Variants in KLF12 observed in about 807,000 individuals in gnomAD.
KLF12 encodes the protein Krueppel-like factor 12.
In KLF12, 9 loss-of-function variants were observed where a neutral mutation model predicts 37.8. That is an observed-to-expected ratio of 0.24 (90% CI 0.14 to 0.42). The LOEUF (loss-of-function observed/expected upper bound fraction) is 0.42. Among genes scored for constraint, KLF12 ranks in the 10% least tolerant of loss-of-function variants. KLF12 has a pLI of 1.00. For synonymous variants in KLF12, 208 were observed against 202.1 expected, an observed-to-expected ratio of 1.03 and a Z score of -0.25; for missense variants, 411 against 516.0, an observed-to-expected ratio of 0.80 and a Z score of 1.97.
intron 1 of KLF12, among the ~76,000 whole-genome samples, chr13:74,042,712 G>A (rs1893440362): frequency 1.3e-5 from 2 of 152,112 alleles, no homozygotes; most frequent in Admixed American, 1.3e-4. Flanking sequence ...AATTCAGCAG[G>A]TCTTCATAAA....
At chr13:73,774,283 TAC>T (rs71704208) in intron 5 of KLF12, among the ~76,000 whole-genome samples, 62,634 of 145,126 alleles carry the variant, frequency 0.43, 14,794 homozygotes, top group African/African-American at 0.66. Flanking sequence ...TATATATATA[TAC>T]ACACACACAC....
In KLF12 at chr13:73,845,854, A is replaced by G; in HGVS notation, c.643T>C (p.Leu215=). The G allele has an allele frequency of 6.2e-7, 1 of 1,613,954 alleles. No individual in the cohort carries two copies. Among genetic ancestry groups the G allele is most frequent in the Non-Finnish European group, 8.5e-7 (1 of 1,179,866 alleles). The change falls in exon 4 of 8, where the codon TTG becomes CTG. Residue 215 remains leucine (L), a synonymous_variant. Transcript: ENST00000377669. ...TTGCCATGGCCTCTCCCATCCTCCAAAAGCGGCACGACAATAGTGTTGTTC... is the reference window on the plus strand; with the variant it reads ...TTGCCATGGCCTCTCCCATCCTCCAGAAGCGGCACGACAATAGTGTTGTTC...
At chr13:73,805,697 G>T (rs1240107359) in intron 5 of KLF12, among the ~76,000 whole-genome samples, 1 of 142,156 alleles carries the variant, frequency 7.0e-6, no homozygotes, top group Non-Finnish European at 1.5e-5. Flanking sequence ...AGGAAGGAAG[G>T]AAGGAAGGAA....
intron 5 of KLF12, among the ~76,000 whole-genome samples, chr13:73,796,768 G>T (rs1881999041): frequency 6.6e-6 from 1 of 152,106 alleles, no homozygotes; most frequent in African/African-American, 2.4e-5. Flanking sequence ...TGCACACACA[G>T]ACCTTCATCT....
intron 3 of KLF12, among the ~76,000 whole-genome samples, chr13:73,896,782 A>T (rs17061659): frequency 0.018 from 2,737 of 152,274 alleles, 99 homozygotes; most frequent in Admixed American, 0.088. Context: ...CCTAAATGAT[A>T]GACTCACTTT....
chr13:74,122,515 T>C (rs1474156500), intron 1 of KLF12, among the ~76,000 whole-genome samples: 1 of 152,072 alleles, frequency 6.6e-6, no homozygotes, highest in Non-Finnish European at 1.5e-5. Flanking sequence ...TGAAAATTGA[T>C]ACATCTTGAA....
At chr13:73,878,122 G>C (rs1450356160) in intron 3 of KLF12, among the ~76,000 whole-genome samples, 1 of 152,118 alleles carries the variant, frequency 6.6e-6, no homozygotes, top group African/African-American at 2.4e-5. Flanking sequence ...TTCCCTGGAT[G>C]TCTCTCATGA....
chr13:73,912,035 A>T (rs1157559484), intron 3 of KLF12, among the ~76,000 whole-genome samples: 1 of 152,184 alleles, frequency 6.6e-6, no homozygotes, highest in Non-Finnish European at 1.5e-5. Context: ...TCTCCTTCAC[A>T]ATAACTCCCA....
chr13:74,134,052 A>T (rs935870847), upstream of KLF12, among the ~76,000 whole-genome samples: 18 of 151,124 alleles, frequency 1.2e-4, no homozygotes, highest in African/African-American at 3.2e-4. Flanking sequence ...TAGTGTGGGG[A>T]GCCTCGCCAG....
In KLF12 at chr13:73,689,378, C is replaced by T. The variant is rs946133846; in HGVS notation, c.*6112G>A. 4 of 152,066 alleles carry T rather than the reference C, an allele frequency of 2.6e-5. No individual in the cohort carries two copies. Among genetic ancestry groups the T allele is most frequent in the African/African-American group, 9.7e-5 (4 of 41,414 alleles). The allele number at this position is 152,066 out of a possible 1,614,324, so 9.4% of individuals were successfully genotyped here. On this transcript the variant is annotated 3_prime_UTR_variant, in exon 8 of 8. Coordinates refer to ENST00000377669, the MANE Select transcript of KLF12 (RefSeq NM_007249.5). ...TCACAGTCCTACTTTTAAAATTGCC[C>T]TTACCCGATGTGTGACTCTCCATGA...
chr13:74,057,664 A>G (rs1873325159), intron 1 of KLF12, among the ~76,000 whole-genome samples: 1 of 152,264 alleles, frequency 6.6e-6, no homozygotes, highest in South Asian at 2.1e-4. Flanking sequence ...AGAAATTGCC[A>G]ATGATGAAAT....
chr13:74,155,589 C>T, the KLF12 span, among the ~76,000 whole-genome samples: 4 of 152,132 alleles, frequency 2.6e-5, no homozygotes, highest in East Asian at 1.9e-4. Flanking sequence ...TCTGCAACTC[C>T]TGACCTAAGG....
intron 6 of KLF12, among the ~76,000 whole-genome samples, chr13:73,718,750 TG>T (rs1876000127): frequency 6.6e-6 from 1 of 152,048 alleles, no homozygotes; most frequent in Non-Finnish European, 1.5e-5. Flanking sequence ...AAAAATTAGC[TG>T]GGCGTGGTGG....
intron 1 of KLF12, among the ~76,000 whole-genome samples, chr13:74,058,324 G>A (rs1049088069): frequency 2.4e-4 from 35 of 148,720 alleles, no homozygotes; most frequent in African/African-American, 8.7e-4. Context: ...TGCAAAATGG[G>A]TGTGAAGGAA....
At chr13:73,817,240 C>T (rs1287496067) in intron 4 of KLF12, among the ~76,000 whole-genome samples, 3 of 150,642 alleles carry the variant, frequency 2.0e-5, no homozygotes, top group African/African-American at 4.9e-5. Context: ...ATCACTTGAG[C>T]CCAGGAGGTT....
At chr13:73,962,306 T>C (rs1891044641) in intron 2 of KLF12, among the ~76,000 whole-genome samples, 1 of 152,090 alleles carries the variant, frequency 6.6e-6, no homozygotes, top group Non-Finnish European at 1.5e-5. Context: ...AGTAAAATGA[T>C]CAAGAGATGC....
intron 3 of KLF12, among the ~76,000 whole-genome samples, chr13:73,900,149 T>C (rs984154777): frequency 2.0e-5 from 3 of 152,200 alleles, no homozygotes; most frequent in African/African-American, 7.2e-5. Context: ...ATATTAATAC[T>C]TTAGCAAGTT....
chr13:74,257,990 CT>C, the KLF12 span: 1 of 152,006 alleles, frequency 6.6e-6, no homozygotes, highest in Non-Finnish European at 1.5e-5. Context: ...GGGTAGGGAA[CT>C]GCTTCTCCTA....
chr13:74,219,499 T>C, the KLF12 span, among the ~76,000 whole-genome samples: 13 of 152,238 alleles, frequency 8.5e-5, no homozygotes, highest in Admixed American at 2.6e-4. Context: ...TCATATACCT[T>C]GTATGTACAT....
Sources: allele counts gnomAD v4.1 joint callset (sites outside exome capture counted in the v4.1 genomes callset), GRCh38; gene constraint gnomAD v4.1.1; transcripts MANE v1.5; gene names NCBI Gene and HGNC (gene_info 2026-07-23, HGNC 2026-07-21).